KIAA1671: variants seen among roughly 807,000 people sequenced by gnomAD.
The protein encoded by KIAA1671 is uncharacterized protein KIAA1671.
In KIAA1671, 52 loss-of-function variants were observed where a neutral mutation model predicts 131.2. That is an observed-to-expected ratio of 0.40 (90% CI 0.32 to 0.50). The LOEUF (loss-of-function observed/expected upper bound fraction) is 0.50. Among genes scored for constraint, KIAA1671 ranks in the 20% least tolerant of loss-of-function variants. The probability of loss-of-function intolerance (pLI) is 0.73; values close to 1 mark genes in which losing one functional copy is unlikely to be tolerated. For missense variants in KIAA1671, 2,360 were observed against 2,364.2 expected (o/e 1.00, Z 0.04); for synonymous variants, 1,003 against 961.6 (o/e 1.04, Z -0.80).
rs184892763 is a variant in KIAA1671, at chr22:25,002,959, A to G, written c.-207-22674A>G. Among the ~76,000 whole-genome samples the G allele has an allele frequency of 1.8e-3, 270 of 152,140 alleles. 2 individuals carry two copies. The highest frequency in any genetic ancestry group is 6.3e-3 in the African/African-American group (260 of 41,514). On this transcript the variant is annotated intron_variant, in intron 1 of 12. Transcript: ENST00000358431. ...CAGTGCCCAGCTAATTTTTGTAGAG[A>G]TGGGATTTTGCCATGTTGCCCAGGC...
chr22:25,035,841 A>G (rs1193060977), intron 4 of KIAA1671, among the ~76,000 whole-genome samples: 1 of 152,170 alleles, frequency 6.6e-6, no homozygotes, highest in Non-Finnish European at 1.5e-5. Context: ...CTTGCTTTAC[A>G]TGTGATGAGA....
intron 4 of KIAA1671, among the ~76,000 whole-genome samples, chr22:25,035,413 T>C (rs887047263): frequency 6.6e-6 from 1 of 152,320 alleles, no homozygotes; most frequent in African/African-American, 2.4e-5. Context: ...ATATGGTAGA[T>C]GCATGTTTTA....
intron 5 of KIAA1671, among the ~76,000 whole-genome samples, chr22:25,043,855 G>A (rs1229553504): frequency 6.6e-6 from 1 of 152,206 alleles, no homozygotes; most frequent in Admixed American, 6.5e-5. Flanking sequence ...TGTGGCATCA[G>A]CAAATCAGGC....
Sources: gnomAD v4.1 joint callset for allele counts (sites outside exome capture counted in the v4.1 genomes callset) on GRCh38, gnomAD v4.1.1 for gene constraint, MANE v1.5 for transcripts, NCBI Gene and HGNC (gene_info 2026-07-23, HGNC 2026-07-21) for gene names.